Variants in PPL observed in about 807,000 individuals in gnomAD.
PPL encodes the protein periplakin.
Under a neutral mutation model 194.4 loss-of-function variants are expected in PPL, and 198 were observed. The observed-to-expected ratio is 1.02, with a 90% CI of 0.91 to 1.15. The LOEUF is 1.15. Ranked by LOEUF, PPL falls within the 50% of genes most tolerant of loss-of-function variation. The probability of loss-of-function intolerance (pLI) is 0.00; values close to 1 mark genes in which losing one functional copy is unlikely to be tolerated. For synonymous variants in PPL, 1,220 were observed against 972.4 expected (o/e 1.25, Z -4.74); for missense variants, 2,885 against 2,294.8 (o/e 1.26, Z -5.25).
intron 6 of PPL, among the ~76,000 whole-genome samples, chr16:4,900,592 C>T (rs1346151797): frequency 6.6e-6 from 1 of 151,772 alleles, no homozygotes; most frequent in Admixed American, 6.6e-5. Context: ...GGCATGCCAC[C>T]AAGCCCAGCT....
chr16:4,908,310 T>C (rs574565948), intron 2 of PPL, among the ~76,000 whole-genome samples: 17 of 152,136 alleles, frequency 1.1e-4, no homozygotes, highest in African/African-American at 2.9e-4. Flanking sequence ...CTGGACAACA[T>C]AGCAAGGACC....
At chr16:4,931,096 G>A (rs1278008138) in intron 1 of PPL, among the ~76,000 whole-genome samples, 2 of 152,186 alleles carry the variant, frequency 1.3e-5, no homozygotes, top group African/African-American at 2.4e-5. Flanking sequence ...GCGTGCAGTG[G>A]CTCATGGCTG....
rs2088175616 is a variant in PPL at position 4,884,528 on chromosome 16, T to C, written c.4127A>G (p.Asp1376Gly). 6.2e-7 allele frequency: 1 copy of C among 1,612,120 alleles called. No homozygotes were observed. The highest frequency in any genetic ancestry group is 1.7e-5 in the Admixed American group (1 of 59,502). The change falls in exon 22 of 22, where the codon GAT becomes GGT. Residue 1376 changes from aspartate to glycine, a missense_variant. By Grantham distance (94) the Asp-to-Gly change is moderately conservative (BLOSUM62 -1). Coordinates refer to ENST00000345988, the MANE Select transcript of PPL (RefSeq NM_002705.5). This position sits in a 1 kb window ranked among gnomAD's most constrained non-coding sequence, Gnocchi z 5.7. ...AEASAFAESI[D>G]VELRQIDKLR... ...CTTGTCAATCTGCCGCAGCTCCACA[T>C]CGATGCTCTCGGCAAAGGCGCTCGC...
intron 1 of PPL, among the ~76,000 whole-genome samples, chr16:4,936,129 C>A (rs931632916): frequency 3.9e-5 from 6 of 152,206 alleles, no homozygotes; most frequent in Admixed American, 2.0e-4. Flanking sequence ...CTGCTTCTCC[C>A]TGCAAACACA....
intron 2 of PPL, among the ~76,000 whole-genome samples, chr16:4,908,536 TATTG>T (rs373493233): frequency 2.0e-5 from 3 of 151,860 alleles, no homozygotes; most frequent in Non-Finnish European, 4.4e-5. Context: ...TGACTGACTT[TATTG>T]ATTGATTGAT....
chr16:4,910,807 C>A, intron 2 of PPL, 43 bp downstream of exon 2: 2 of 1,524,868 alleles, frequency 1.3e-6, no homozygotes, highest in Non-Finnish European at 9.1e-7. Flanking sequence ...ACAGGGCTGG[C>A]AGCACGGGGC....
rs2089290301 is a variant in PPL, at chr16:4,935,826, AGT to A, written c.62+1156_62+1157del. Among the ~76,000 whole-genome samples, 11 of 152,294 alleles carry A rather than the reference AGT, an allele frequency of 7.2e-5. No homozygotes were observed. In the South Asian group the frequency reaches 2.3e-3, roughly 32 times the overall value. Reference sequence around the variant, plus strand: ...GAGGCCTCTCCTTGCCTAGGGAAGAAGTGAGGAGCTGCTTGAGGGCACAGTGG... The same window carrying A: ...GAGGCCTCTCCTTGCCTAGGGAAGAAGAGGAGCTGCTTGAGGGCACAGTGG... On this transcript the variant is annotated intron_variant, in intron 1 of 21. Coordinates refer to ENST00000345988, the MANE Select transcript of PPL (RefSeq NM_002705.5).
rs374425798 is a variant in PPL, at chr16:4,885,799, C to T, written c.2856G>A (p.Gln952=). The T allele has an allele frequency of 1.4e-4, 233 of 1,609,140 alleles. No individual in the cohort carries two copies. The highest frequency in any genetic ancestry group is 1.9e-4 in the Non-Finnish European group (228 of 1,180,010). Residue 952 remains glutamine (Q), a synonymous_variant, in exon 22 of 22, where the codon CAG becomes CAA. Coordinates refer to ENST00000345988, the MANE Select transcript of PPL (RefSeq NM_002705.5). This position sits in a 1 kb window ranked among gnomAD's most constrained non-coding sequence, Gnocchi z 6.3. ...GCTCCTCTGCCAGCGTCCGCTGCAGCTGCTGGAAGCTCTCCTCCAGCACGG... is the reference window on the plus strand; with the variant it reads ...GCTCCTCTGCCAGCGTCCGCTGCAGTTGCTGGAAGCTCTCCTCCAGCACGG... The part of the protein sequence containing the change: ...PDPVLEESFQ[Q]LQRTLAEEQH...
In PPL at chr16:4,883,666, A is replaced by T; in HGVS notation, c.4989T>A (p.Pro1663=). The T allele has an allele frequency of 6.2e-7, 1 of 1,614,118 alleles. No homozygotes were observed. Residue 1663 remains proline, a synonymous_variant, in exon 22 of 22, where the codon CCT becomes CCA. Coordinates refer to ENST00000345988, the MANE Select transcript of PPL (RefSeq NM_002705.5). The surrounding 1 kb of genome is among the most constrained non-coding windows in gnomAD (Gnocchi z 4.8). ...CCGGGGACAGCTCGCGGCCTGTGTC[A>T]GGGTGGATGACTACGATGGAGCGCC... ...HLRRSIVVIH[P]DTGRELSPEE...
chr16:4,925,641 T>C (rs758410551), intron 1 of PPL, among the ~76,000 whole-genome samples: 16 of 152,210 alleles, frequency 1.1e-4, no homozygotes, highest in Admixed American at 2.0e-4. Context: ...GATGTTTTAA[T>C]GCAATTCGGT....
intron 3 of PPL, 74 bp downstream of exon 3, chr16:4,903,812 T>A (rs2088625144): frequency 8.9e-6 from 14 of 1,565,370 alleles, no homozygotes; most frequent in Non-Finnish European, 1.1e-5. Flanking sequence ...GGCTCCCAAA[T>A]GCTGAACAGG....
chr16:4,919,564 C>T (rs1024063761), intron 1 of PPL, among the ~76,000 whole-genome samples: 1 of 152,080 alleles, frequency 6.6e-6, no homozygotes, highest in African/African-American at 2.4e-5. Flanking sequence ...ATATGCCTGG[C>T]CAGCCACTCT....
chr16:4,916,368 C>T (rs1451409922), intron 1 of PPL, among the ~76,000 whole-genome samples: 1 of 152,092 alleles, frequency 6.6e-6, no homozygotes, highest in Non-Finnish European at 1.5e-5. Context: ...TGTGCCACCA[C>T]ACCCGGCTAA....
rs776460071 is a variant in PPL, at chr16:4,890,816, C to T, written c.2074G>A (p.Glu692Lys). 2.8e-5 allele frequency: 45 copies of T among 1,593,300 alleles called. No homozygotes were observed. The highest frequency in any genetic ancestry group is 3.8e-5 in the Non-Finnish European group (44 of 1,170,300). ...TGGCGCTCCAGGTCCGGACAGTGCT[C>T]CTGGAAGCGGCTGGCCAGTGTGCTC... is the stretch of plus-strand genomic sequence containing the variant. ...CSSTLASRFQEHCPDLERQEA... is the reference protein window; with the variant it reads ...CSSTLASRFQKHCPDLERQEA... The change falls in exon 17 of 22, where the codon GAG becomes AAG. Residue 692 changes from glutamate to lysine, a missense_variant. Physicochemically the swap from Glu to Lys is moderately conservative, Grantham distance 56. Transcript: ENST00000345988.
intron 1 of PPL, 72 bp downstream of exon 1, chr16:4,936,912 G>A (rs1265849973): frequency 1.4e-6 from 2 of 1,451,576 alleles, no homozygotes; most frequent in East Asian, 5.3e-5. Context: ...ACACTGCCCG[G>A]GAGGTCTTCC....
At chr16:4,921,850 G>A (rs750098600) in intron 1 of PPL, among the ~76,000 whole-genome samples, 13 of 150,688 alleles carry the variant, frequency 8.6e-5, no homozygotes, top group East Asian at 3.9e-4. Context: ...GCTGGGACTC[G>A]AACCTAGGAC....
At chr16:4,927,528 C>T (rs561324650) in intron 1 of PPL, among the ~76,000 whole-genome samples, 4 of 152,104 alleles carry the variant, frequency 2.6e-5, no homozygotes, top group South Asian at 2.1e-4. Context: ...AGCAAGATGC[C>T]GAAGAATCCT....
In PPL at chr16:4,885,671, T is replaced by C; in HGVS notation, c.2984A>G (p.Lys995Arg). Residue 995 changes from lysine (K) to arginine (R), a missense_variant, in exon 22 of 22, where the codon AAG becomes AGG. Lys to Arg is a conservative substitution (Grantham distance 26). Transcript: ENST00000345988. The surrounding 1 kb of genome is among the most constrained non-coding windows in gnomAD (Gnocchi z 6.3). ...TRDGGQEYVV[K>R]EVLRIEPDRA... is the part of the protein sequence containing the mutation. ...GTCAGGCTCGATGCGCAGGACCTCC[T>C]TGACCACGTACTCCTGCCCCCCGTC... 5.6e-6 allele frequency: 9 copies of C among 1,612,804 alleles called. No homozygotes were observed. Among genetic ancestry groups the C allele is most frequent in the Non-Finnish European group, 7.6e-6 (9 of 1,179,648 alleles).
intron 11 of PPL, 91 bp downstream of exon 11, chr16:4,895,170 G>T: frequency 7.0e-7 from 1 of 1,425,194 alleles, no homozygotes. Context: ...ACAGGCACAG[G>T]CTCCTGAGAA....
Sources: allele counts gnomAD v4.1 joint callset (sites outside exome capture counted in the v4.1 genomes callset), GRCh38; gene constraint gnomAD v4.1.1; non-coding constraint Gnocchi (gnomAD v3.1); transcripts MANE v1.5; gene names NCBI Gene and HGNC (gene_info 2026-07-23, HGNC 2026-07-21).